The following FOXD3 variants were observed in gnomAD, a reference collection of about 807,000 sequenced individuals.
FOXD3 encodes the protein forkhead box D3, also known as forkhead box protein D3.
FOXD3 carries 3 observed loss-of-function variants against 3.6 expected under a neutral mutation model. The observed-to-expected ratio is 0.84, with a 90% CI of 0.38 to 2.18. The LOEUF (loss-of-function observed/expected upper bound fraction) is 2.18. Among genes scored for constraint, FOXD3 ranks in the 30% most tolerant of loss-of-function variants. The pLI is 0.06. For synonymous variants in FOXD3, 391 were observed against 360.9 expected, an observed-to-expected ratio of 1.08 and a Z score of -0.94; for missense variants, 686 against 731.6, an observed-to-expected ratio of 0.94 and a Z score of 0.72.
In FOXD3 at chr1:63,323,191, G is replaced by A; in HGVS notation, c.133G>A (p.Asp45Asn). The change falls in exon 1 of 1, where the codon GAT becomes AAT. Residue 45 changes from aspartate (D) to asparagine (N), a missense_variant. Physicochemically the swap from Asp to Asn is conservative, Grantham distance 23. This residue lies in a region of FOXD3 where 232 missense variants were observed against 214.0 expected (regional missense o/e 1.08). Coordinates refer to ENST00000371116, the MANE Select transcript of FOXD3 (RefSeq NM_012183.3). The surrounding 1 kb of genome is among the most constrained non-coding windows in gnomAD (Gnocchi z 6.8). ...AGAGAAGGACAGCGACGCAGGTTGC[G>A]ATAGCCCCGCGGGGCCGCCGGAGCT... Reference protein sequence around the residue: ...LEEKDSDAGCDSPAGPPELRL... With the variant: ...LEEKDSDAGCNSPAGPPELRL... 1.3e-6 allele frequency: 2 copies of A among 1,551,442 alleles called. No individual in the cohort carries two copies. Among genetic ancestry groups the A allele is most frequent in the Middle Eastern group, 1.7e-4 (1 of 5,900 alleles).
chr1:63,323,246 CG>C lies in FOXD3; in HGVS notation c.190del (p.Ala64ArgfsTer16). ...LRLDEADEVP[P>X]AAPHHGQPQP... ...CTGGACGAGGCGGACGAGGTGCCCC[CG>C]GCGGCACCCCATCACGGACAGCCTC... On this transcript the variant is annotated frameshift_variant, in exon 1 of 1. Transcript: ENST00000371116. LOFTEE classifies it low-confidence loss of function (END_TRUNC). The surrounding 1 kb of genome is among the most constrained non-coding windows in gnomAD (Gnocchi z 6.8). 6.6e-7 allele frequency: 1 copy of C among 1,521,090 alleles called. No individual in the cohort carries two copies. The highest frequency in any genetic ancestry group is 8.8e-7 in the Non-Finnish European group (1 of 1,135,280). The allele number at this position is 1,521,090 out of a possible 1,614,324, so 94.2% of individuals were successfully genotyped here. A position where few individuals can be genotyped will look rare whatever the true frequency, so the allele number is the denominator to read the frequency against.
Position 63,323,745 on chromosome 1 carries a change from C to T in FOXD3, c.687C>T (p.Ser229=). 1 of 1,613,926 alleles carries T rather than the reference C, an allele frequency of 6.2e-7. No individual in the cohort carries two copies. The highest frequency in any genetic ancestry group is 8.5e-7 in the Non-Finnish European group (1 of 1,179,996). ...CCGAGGACATGTTCGACAACGGCAG[C>T]TTCCTGCGGCGCCGGAAACGCTTCA... is the stretch of plus-strand genomic sequence containing the variant. ...PQSEDMFDNG[S]FLRRRKRFKR... Residue 229 remains serine (S), a synonymous_variant, in exon 1 of 1, where the codon AGC becomes AGT. Coordinates refer to ENST00000371116, the MANE Select transcript of FOXD3 (RefSeq NM_012183.3). The surrounding 1 kb of genome is among the most constrained non-coding windows in gnomAD (Gnocchi z 6.8).
At position 63,323,546 on chromosome 1, in the gene FOXD3, C is replaced by A. The variant is rs1462040678; in HGVS notation, c.488C>A (p.Thr163Asn). 6.2e-7 allele frequency: 1 copy of A among 1,614,044 alleles called. No individual in the cohort carries two copies. Among genetic ancestry groups the A allele is most frequent in the Non-Finnish European group, 8.5e-7 (1 of 1,180,028 alleles). The change falls in exon 1 of 1, where the codon ACC (threonine) becomes AAC (asparagine). Residue 163 changes from threonine (T) to asparagine (N), a missense_variant. Physicochemically the swap from Thr to Asn is moderately conservative, Grantham distance 65 (BLOSUM62 0). This residue lies in a region of FOXD3 where 84 missense variants were observed against 145.2 expected (regional missense o/e 0.58). Coordinates refer to ENST00000371116, the MANE Select transcript of FOXD3 (RefSeq NM_012183.3). This position sits in a 1 kb window ranked among gnomAD's most constrained non-coding sequence, Gnocchi z 6.8. The part of the protein sequence containing the change: ...AILQSPQKKL[T>N]LSGICEFISN... ...CTGCAGAGCCCGCAGAAGAAGCTGACCCTGAGCGGCATCTGCGAGTTCATC... is the reference window on the plus strand; with the variant it reads ...CTGCAGAGCCCGCAGAAGAAGCTGAACCTGAGCGGCATCTGCGAGTTCATC...
chr1:63,323,391 G>A lies in FOXD3; in HGVS notation c.333G>A (p.Glu111=). The A allele has an allele frequency of 7.0e-7, 1 of 1,418,462 alleles. No homozygotes were observed. Among genetic ancestry groups the A allele is most frequent in the Non-Finnish European group, 9.2e-7 (1 of 1,090,000 alleles). The allele number at this position is 1,418,462 out of a possible 1,614,324, so 87.9% of individuals were successfully genotyped here. A position where few individuals can be genotyped will look rare whatever the true frequency, so the allele number is the denominator to read the frequency against. Residue 111 remains glutamate (E), a synonymous_variant, in exon 1 of 1, where the codon GAG becomes GAA. Transcript: ENST00000371116. The surrounding 1 kb of genome is among the most constrained non-coding windows in gnomAD (Gnocchi z 6.8). ...GCTGCAAGGGCGGTGTTGGCGGCGAGGAGGGCGGCGCGAGCGGCGGCGGGC... is the reference window on the plus strand; with the variant it reads ...GCTGCAAGGGCGGTGTTGGCGGCGAAGAGGGCGGCGCGAGCGGCGGCGGGC... ...ADGCKGGVGG[E]EGGASGGGPG...
In FOXD3 at chr1:63,324,641, G is replaced by GC; in HGVS notation, c.*151dup. ...CTCTCCCCAATTTCCTTTCCCCTGA[G>GC]CCCCCAACGCCTACCTTCCGCGGCC... On this transcript the variant is annotated 3_prime_UTR_variant, in exon 1 of 1. Transcript: ENST00000371116. This position sits in a 1 kb window ranked among gnomAD's most constrained non-coding sequence, Gnocchi z 4.1. 1.5e-6 allele frequency: 1 copy of GC among 646,276 alleles called. No homozygotes were observed. Among genetic ancestry groups the GC allele is most frequent in the South Asian group, 2.0e-5 (1 of 49,818 alleles). The allele number at this position is 646,276 out of a possible 1,614,324, so 40.0% of individuals were successfully genotyped here.
In FOXD3 at chr1:63,324,185, C is replaced by A. The variant is rs781649538; in HGVS notation, c.1127C>A (p.Pro376Gln). The change falls in exon 1 of 1, where the codon CCG (proline) becomes CAG (glutamine). Residue 376 changes from proline to glutamine, a missense_variant. Coordinates refer to ENST00000371116, the MANE Select transcript of FOXD3 (RefSeq NM_012183.3). This position sits in a 1 kb window ranked among gnomAD's most constrained non-coding sequence, Gnocchi z 4.1. ...SLIKSEPSAR[P>Q]SFSIENIIGG... The stretch of plus-strand genomic sequence containing the variant: ...ATCAAGTCCGAGCCAAGCGCGCGGC[C>A]GTCGTTCAGCATCGAGAACATCATA... 2 of 1,435,852 alleles carry A rather than the reference C, an allele frequency of 1.4e-6. No individual in the cohort carries two copies. The highest frequency in any genetic ancestry group is 3.0e-5 in the East Asian group (1 of 33,602). 88.9% of individuals were successfully genotyped at this position (1,435,852 alleles called of 1,614,324 possible). A position where few individuals can be genotyped will look rare whatever the true frequency, so the allele number is the denominator to read the frequency against.
chr1:63,323,452 C>T lies in FOXD3; in HGVS notation c.394C>T (p.Pro132Ser), dbSNP rs777668537. ...CAGCGGTTCGGCGGGAGGCCTGGCC[C>T]CGAGCAAGCCCAAGAACAGCCTAGT... The part of the protein sequence containing the change: ...AGSGSAGGLA[P>S]SKPKNSLVKP... Residue 132 changes from proline to serine, a missense_variant, in exon 1 of 1, where the codon CCG becomes TCG. Physicochemically the swap from Pro to Ser is moderately conservative, Grantham distance 74. Around this residue, in one of 3 missense-constraint regions of FOXD3, gnomAD observed 232 missense variants for 214.0 expected, o/e 1.08. Transcript: ENST00000371116. The surrounding 1 kb of genome is among the most constrained non-coding windows in gnomAD (Gnocchi z 6.8). 6.2e-7 allele frequency: 1 copy of T among 1,605,270 alleles called. No homozygotes were observed. Among genetic ancestry groups the T allele is most frequent in the Non-Finnish European group, 8.5e-7 (1 of 1,176,414 alleles).
chr1:63,324,345 G>T lies in FOXD3; in HGVS notation c.1287G>T (p.Met429Ile). 6.3e-7 allele frequency: 1 copy of T among 1,586,196 alleles called. No individual in the cohort carries two copies. Among genetic ancestry groups the T allele is most frequent in the Non-Finnish European group, 8.5e-7 (1 of 1,174,840 alleles). The part of the protein sequence containing the change: ...PPGTVQSAAL[M>I]ATHQPLSLSR... ...GGACCGTGCAGTCGGCAGCGCTCAT[G>T]GCCACCCACCAACCGCTGTCGCTGA... The change falls in exon 1 of 1, where the codon ATG becomes ATT. Residue 429 changes from methionine to isoleucine, a missense_variant. Coordinates refer to ENST00000371116, the MANE Select transcript of FOXD3 (RefSeq NM_012183.3). The surrounding 1 kb of genome is among the most constrained non-coding windows in gnomAD (Gnocchi z 4.1).
chr1:63,323,854 G>A lies in FOXD3; in HGVS notation c.796G>A (p.Gly266Ser), dbSNP rs765929377. The A allele has an allele frequency of 3.0e-5, 46 of 1,549,530 alleles. No homozygotes were observed. The South Asian group carries it at 5.0e-4, about 17-fold the overall frequency. The change falls in exon 1 of 1, where the codon GGC (glycine) becomes AGC (serine). Residue 266 changes from glycine to serine, a missense_variant. Gly to Ser is a moderately conservative substitution (Grantham distance 56, BLOSUM62 0). Around this residue, in one of 3 missense-constraint regions of FOXD3, gnomAD observed 370 missense variants for 372.3 expected, o/e 0.99. Coordinates refer to ENST00000371116, the MANE Select transcript of FOXD3 (RefSeq NM_012183.3). This position sits in a 1 kb window ranked among gnomAD's most constrained non-coding sequence, Gnocchi z 6.8. ...FGAYSLAAAA[G>S]AAGPYGRPYG... is the part of the protein sequence containing the mutation. Reference sequence around the variant, plus strand: ...CGCTTACAGCCTGGCGGCGGCGGCCGGCGCCGCGGGACCCTACGGCCGCCC... The same window carrying A: ...CGCTTACAGCCTGGCGGCGGCGGCCAGCGCCGCGGGACCCTACGGCCGCCC...
chr1:63,322,757 G>A lies in FOXD3; in HGVS notation c.-302G>A. 1.0e-6 allele frequency: 1 copy of A among 985,384 alleles called. No homozygotes were observed. The highest frequency in any genetic ancestry group is 1.2e-6 in the Non-Finnish European group (1 of 829,898). The allele number at this position is 985,384 out of a possible 1,614,324, so 61.0% of individuals were successfully genotyped here. On this transcript the variant is annotated 5_prime_UTR_variant, in exon 1 of 1. Transcript: ENST00000371116. The stretch of plus-strand genomic sequence containing the variant: ...AAGGCGGGCTAAGTGAGGGGGCGCG[G>A]CGTGGAGAACCGCCGGGGCCGGGAG...
chr1:63,322,999 C>G lies in FOXD3; in HGVS notation c.-60C>G. ...TCTTCCCCTGAGCTCCGTGGCAGCC[C>G]CCGAACACCCTCATCGCCCGCTGCC... On this transcript the variant is annotated 5_prime_UTR_variant, in exon 1 of 1. Coordinates refer to ENST00000371116, the MANE Select transcript of FOXD3 (RefSeq NM_012183.3). 6.7e-7 allele frequency: 1 copy of G among 1,500,350 alleles called. No homozygotes were observed. The highest frequency in any genetic ancestry group is 8.9e-7 in the Non-Finnish European group (1 of 1,129,638). 92.9% of individuals were successfully genotyped at this position (1,500,350 alleles called of 1,614,324 possible).
At position 63,324,404 on chromosome 1, in the gene FOXD3, G is replaced by A. The variant is rs773990179; in HGVS notation, c.1346G>A (p.Ser449Asn). Reference protein sequence around the residue: ...RTTATIAPILSVPLSGQFLQP... With the variant: ...RTTATIAPILNVPLSGQFLQP... Reference sequence around the variant, plus strand: ...ACTGCCACCATCGCGCCCATTCTTAGCGTGCCACTCTCCGGACAGTTTCTG... The same window carrying A: ...ACTGCCACCATCGCGCCCATTCTTAACGTGCCACTCTCCGGACAGTTTCTG... Residue 449 changes from serine to asparagine, a missense_variant, in exon 1 of 1, where the codon AGC becomes AAC. Transcript: ENST00000371116. The surrounding 1 kb of genome is among the most constrained non-coding windows in gnomAD (Gnocchi z 4.1). 1.6e-5 allele frequency: 26 copies of A among 1,584,894 alleles called. No homozygotes were observed. Among genetic ancestry groups the A allele is most frequent in the Non-Finnish European group, 2.0e-5 (24 of 1,174,476 alleles).
chr1:63,323,016 C>T lies in FOXD3; in HGVS notation c.-43C>T, dbSNP rs1201110265. 1 of 1,510,918 alleles carries T rather than the reference C, an allele frequency of 6.6e-7. No homozygotes were observed. Among genetic ancestry groups the T allele is most frequent in the African/African-American group, 1.4e-5 (1 of 70,048 alleles). The allele number at this position is 1,510,918 out of a possible 1,614,324, so 93.6% of individuals were successfully genotyped here. ...TGGCAGCCCCCGAACACCCTCATCGCCCGCTGCCCCCTCCCCGCCGCCGCT... is the reference window on the plus strand; with the variant it reads ...TGGCAGCCCCCGAACACCCTCATCGTCCGCTGCCCCCTCCCCGCCGCCGCT... On this transcript the variant is annotated 5_prime_UTR_variant, in exon 1 of 1. Transcript: ENST00000371116. This position sits in a 1 kb window ranked among gnomAD's most constrained non-coding sequence, Gnocchi z 6.8.
rs747316263 is a variant in FOXD3, at chr1:63,322,970, AC to A, written c.-86del. 4.6e-3 allele frequency: 6,649 copies of A among 1,437,900 alleles called. 17 individuals carry two copies. Among genetic ancestry groups the A allele is most frequent in the Non-Finnish European group, 5.5e-3 (6,050 of 1,100,322 alleles). 89.1% of individuals were successfully genotyped at this position (1,437,900 alleles called of 1,614,324 possible). On this transcript the variant is annotated 5_prime_UTR_variant, in exon 1 of 1. Transcript: ENST00000371116. ...CCCCCCATCTTTCGGGGGCACTCAAACCCTCTTCCCCTGAGCTCCGTGGCAG... is the reference window on the plus strand; with the variant it reads ...CCCCCCATCTTTCGGGGGCACTCAAACCTCTTCCCCTGAGCTCCGTGGCAG...
Position 63,323,312 on chromosome 1 carries a change from C to T in FOXD3, c.254C>T (p.Ala85Val). 1 of 1,388,852 alleles carries T rather than the reference C, an allele frequency of 7.2e-7. No individual in the cohort carries two copies. Among genetic ancestry groups the T allele is most frequent in the Non-Finnish European group, 9.3e-7 (1 of 1,074,274 alleles). 86.0% of individuals were successfully genotyped at this position (1,388,852 alleles called of 1,614,324 possible). ...CAGCCCCTGACATTGCCCAAGGAGGCGGCCGGAGCCGGGGCCGGACCGGGG... is the reference window on the plus strand; with the variant it reads ...CAGCCCCTGACATTGCCCAAGGAGGTGGCCGGAGCCGGGGCCGGACCGGGG... Reference protein sequence around the residue: ...HQQPLTLPKEAAGAGAGPGGD... With the variant: ...HQQPLTLPKEVAGAGAGPGGD... Residue 85 changes from alanine (A) to valine (V), a missense_variant, in exon 1 of 1, where the codon GCG becomes GTG. This residue lies in a region of FOXD3 where 232 missense variants were observed against 214.0 expected (regional missense o/e 1.08). Coordinates refer to ENST00000371116, the MANE Select transcript of FOXD3 (RefSeq NM_012183.3). This position sits in a 1 kb window ranked among gnomAD's most constrained non-coding sequence, Gnocchi z 6.8.
At position 63,324,387 on chromosome 1, in the gene FOXD3, C is replaced by T. The variant is rs769804731; in HGVS notation, c.1329C>T (p.Thr443=). The change falls in exon 1 of 1, where the codon ACC becomes ACT. Residue 443 remains threonine (T), a synonymous_variant. Coordinates refer to ENST00000371116, the MANE Select transcript of FOXD3 (RefSeq NM_012183.3). This position sits in a 1 kb window ranked among gnomAD's most constrained non-coding sequence, Gnocchi z 4.1. ...QPLSLSRTTA[T]IAPILSVPLS... ...TGTCGCTGAGCCGGACGACTGCCACCATCGCGCCCATTCTTAGCGTGCCAC... is the reference window on the plus strand; with the variant it reads ...TGTCGCTGAGCCGGACGACTGCCACTATCGCGCCCATTCTTAGCGTGCCAC... The T allele has an allele frequency of 1.9e-6, 3 of 1,587,994 alleles. No homozygotes were observed. The highest frequency in any genetic ancestry group is 1.3e-5 in the African/African-American group (1 of 74,396).
In FOXD3 at chr1:63,323,668, C is replaced by T; in HGVS notation, c.610C>T (p.Arg204Cys). Reference protein sequence around the residue: ...SLNDCFVKIPREPGNPGKGNY... With the variant: ...SLNDCFVKIPCEPGNPGKGNY... ...CAACGACTGCTTCGTCAAGATCCCCCGCGAGCCGGGCAACCCGGGCAAGGG... is the reference window on the plus strand; with the variant it reads ...CAACGACTGCTTCGTCAAGATCCCCTGCGAGCCGGGCAACCCGGGCAAGGG... Residue 204 changes from arginine to cysteine, a missense_variant, in exon 1 of 1, where the codon CGC (arginine) becomes TGC (cysteine). By Grantham distance (180) the Arg-to-Cys change is radical (BLOSUM62 -3). Transcript: ENST00000371116. This position sits in a 1 kb window ranked among gnomAD's most constrained non-coding sequence, Gnocchi z 6.8. The T allele has an allele frequency of 6.2e-7, 1 of 1,614,064 alleles. No individual in the cohort carries two copies. Among genetic ancestry groups the T allele is most frequent in the Non-Finnish European group, 8.5e-7 (1 of 1,179,996 alleles).
rs939329565 is a variant in FOXD3 at position 63,323,255 on chromosome 1, C to T, written c.197C>T (p.Pro66Leu). The T allele has an allele frequency of 1.3e-6, 2 of 1,518,866 alleles. No homozygotes were observed. The highest frequency in any genetic ancestry group is 1.8e-6 in the Non-Finnish European group (2 of 1,134,494). 94.1% of individuals were successfully genotyped at this position (1,518,866 alleles called of 1,614,324 possible). ...DEADEVPPAA[P>L]HHGQPQPPHQ... ...GCGGACGAGGTGCCCCCGGCGGCACCCCATCACGGACAGCCTCAGCCGCCC... is the reference window on the plus strand; with the variant it reads ...GCGGACGAGGTGCCCCCGGCGGCACTCCATCACGGACAGCCTCAGCCGCCC... The change falls in exon 1 of 1, where the codon CCC (proline) becomes CTC (leucine). Residue 66 changes from proline to leucine, a missense_variant. This residue lies in a region of FOXD3 where 232 missense variants were observed against 214.0 expected (regional missense o/e 1.08). Transcript: ENST00000371116. The surrounding 1 kb of genome is among the most constrained non-coding windows in gnomAD (Gnocchi z 6.8).
Position 63,324,844 on chromosome 1 carries a change from T to C in FOXD3, c.*349T>C, listed in dbSNP as rs1557562585. ...TCTTTGTATATATTTGTAAAAAAAT[T>C]ATTGACTTTCCTTTTGGGGTTTTTA... On this transcript the variant is annotated 3_prime_UTR_variant, in exon 1 of 1. Transcript: ENST00000371116. The surrounding 1 kb of genome is among the most constrained non-coding windows in gnomAD (Gnocchi z 4.1). 1 of 264,962 alleles carries C rather than the reference T, an allele frequency of 3.8e-6. No individual in the cohort carries two copies. The highest frequency in any genetic ancestry group is 8.3e-5 in the East Asian group (1 of 12,116). 16.4% of individuals were successfully genotyped at this position (264,962 alleles called of 1,614,324 possible). A position where few individuals can be genotyped will look rare whatever the true frequency, so the allele number is the denominator to read the frequency against.
Sources: allele counts gnomAD v4.1 joint callset, GRCh38; gene constraint gnomAD v4.1.1; regional missense constraint gnomAD v4.1.1; non-coding constraint Gnocchi (gnomAD v3.1); transcripts MANE v1.5; gene names NCBI Gene and HGNC (gene_info 2026-07-23, HGNC 2026-07-21).